Variants in NHS observed in about 807,000 individuals in gnomAD.
The protein encoded by NHS is NHS actin remodeling regulator, also known as actin remodeling regulator NHS.
In NHS, 5 loss-of-function variants were observed where a neutral mutation model predicts 72.5. The observed-to-expected ratio is 0.07, with a 90% CI of 0.04 to 0.14. The LOEUF is 0.14. NHS is among the 10% of genes least tolerant of loss of function. NHS has a pLI of 1.00. For synonymous variants in NHS, 464 were observed against 547.7 expected, an observed-to-expected ratio of 0.85 and a Z score of 2.13; for missense variants, 1,072 against 1,355.7, an observed-to-expected ratio of 0.79 and a Z score of 3.29.
At chrX:17,389,853 C>T (rs1252520360) in intron 1 of NHS, among the ~76,000 whole-genome samples, 3 of 110,356 alleles carry the variant, frequency 2.7e-5, no homozygotes, top group African/African-American at 3.3e-5. Context: ...CTGCCCGCCT[C>T]GGCCTCCCAA....
chrX:17,672,033 CATA>C (rs2066049734), intron 1 of NHS, among the ~76,000 whole-genome samples: 1 of 111,604 alleles, frequency 9.0e-6, no homozygotes, highest in African/African-American at 3.3e-5. Flanking sequence ...AAGAAAAGCA[CATA>C]ATCAAACAAT....
intron 1 of NHS, among the ~76,000 whole-genome samples, chrX:17,399,137 T>C (rs921375877): frequency 4.5e-5 from 5 of 110,400 alleles, no homozygotes; most frequent in African/African-American, 1.7e-4. Flanking sequence ...GGTCTTGCTC[T>C]GTTGCCCAGG....
At position 17,728,302 on chromosome X, in the gene NHS, G is replaced by A. The variant is rs2066464724; in HGVS notation, c.4196G>A (p.Gly1399Glu). The A allele has an allele frequency of 3.3e-6, 4 of 1,211,486 alleles. No individual in the cohort carries two copies. Among genetic ancestry groups the A allele is most frequent in the African/African-American group, 1.7e-5 (1 of 57,845 alleles). The change falls in exon 7 of 9, where the codon GGA (glycine) becomes GAA (glutamate). Residue 1399 changes from glycine to glutamate, a missense_variant. By Grantham distance (98) the Gly-to-Glu change is moderately conservative (BLOSUM62 -2). Transcript: ENST00000676302. ...AACAGCAAAGCAGAGGAGACCCAAG[G>A]AAATGTGGATGAGGCTTCATTGAAA... Reference protein sequence around the residue: ...SDNSKAEETQGNVDEASLKES... With the variant: ...SDNSKAEETQENVDEASLKES...
chrX:17,607,794 A>AT (rs1164990389), intron 1 of NHS, among the ~76,000 whole-genome samples: 1 of 110,756 alleles, frequency 9.0e-6, no homozygotes, highest in African/African-American at 3.3e-5. Flanking sequence ...AAATATAAAT[A>AT]TATGTGACTA....
intron 1 of NHS, among the ~76,000 whole-genome samples, chrX:17,401,080 G>A (rs888675305): frequency 8.9e-6 from 1 of 111,985 alleles, no homozygotes; most frequent in Non-Finnish European, 1.9e-5. Context: ...CCAGAAATAA[G>A]TTTTTACATT....
chrX:17,475,977 C>G (rs1209795760), intron 1 of NHS, among the ~76,000 whole-genome samples: 1 of 111,649 alleles, frequency 9.0e-6, no homozygotes, highest in African/African-American at 3.3e-5. Flanking sequence ...CAGCTTGTTG[C>G]AACATCACAA....
At chrX:17,610,610 T>C (rs769302489) in intron 1 of NHS, among the ~76,000 whole-genome samples, 1 of 112,029 alleles carries the variant, frequency 8.9e-6, no homozygotes, top group Non-Finnish European at 1.9e-5. Context: ...CTGAACCTTG[T>C]GGCCACATTG....
At chrX:17,700,211 G>A (rs1337808594) in intron 3 of NHS, among the ~76,000 whole-genome samples, 1 of 110,902 alleles carries the variant, frequency 9.0e-6, no homozygotes, top group African/African-American at 3.3e-5. Context: ...GGGAGGCTCA[G>A]GTGGGAGGAT....
intron 1 of NHS, among the ~76,000 whole-genome samples, chrX:17,584,298 C>A (rs1003317014): frequency 3.6e-5 from 4 of 111,507 alleles, no homozygotes; most frequent in African/African-American, 1.3e-4. Flanking sequence ...AGAGGCCACC[C>A]CTTCCCTGGG....
At chrX:17,519,456 T>C (rs2065136942) in intron 1 of NHS, among the ~76,000 whole-genome samples, 2 of 111,927 alleles carry the variant, frequency 1.8e-5, no homozygotes, top group Non-Finnish European at 3.8e-5. Flanking sequence ...CCCATTTTAG[T>C]TTCCAATATG....
chrX:17,384,036 C>T (rs771203480), intron 1 of NHS, among the ~76,000 whole-genome samples: 24 of 112,347 alleles, frequency 2.1e-4, no homozygotes, highest in Admixed American at 1.6e-3. Flanking sequence ...GGATAATTTT[C>T]AGCCAGAGCA....
chrX:17,470,199 A>T (rs2064886604), intron 1 of NHS, among the ~76,000 whole-genome samples: 2 of 110,374 alleles, frequency 1.8e-5, no homozygotes, highest in Admixed American at 1.9e-4. Flanking sequence ...GACATTCCTA[A>T]GGCCACCCAT....
intron 1 of NHS, among the ~76,000 whole-genome samples, chrX:17,612,595 G>A (rs2065716686): frequency 9.0e-6 from 1 of 111,628 alleles, no homozygotes; most frequent in African/African-American, 3.3e-5. Flanking sequence ...TCTTATAGCA[G>A]TCCTATAAGG....
At chrX:17,671,779 T>C (rs1280579882) in intron 1 of NHS, among the ~76,000 whole-genome samples, 1 of 112,115 alleles carries the variant, frequency 8.9e-6, no homozygotes. Flanking sequence ...AATAGTAGTC[T>C]AGAAATCATG....
chrX:17,609,078 C>A (rs1382022190), intron 1 of NHS, among the ~76,000 whole-genome samples: 3 of 111,751 alleles, frequency 2.7e-5, no homozygotes, highest in Non-Finnish European at 5.6e-5. Context: ...TTGAATATCA[C>A]CCCTGGATAT....
intron 1 of NHS, among the ~76,000 whole-genome samples, chrX:17,608,444 G>T (rs771905813): frequency 8.9e-6 from 1 of 111,998 alleles, no homozygotes; most frequent in African/African-American, 3.3e-5. Context: ...CTCAAAAATC[G>T]TTTTTGTTCA....
At chrX:17,472,301 T>C (rs772922062) in intron 1 of NHS, among the ~76,000 whole-genome samples, 1 of 108,608 alleles carries the variant, frequency 9.2e-6, no homozygotes, top group South Asian at 4.1e-4. Flanking sequence ...GATAGGTAGA[T>C]AGATACTGAA....
rs754601237 is a variant in NHS, at chrX:17,725,630, C to T, written c.1524C>T (p.Pro508=). The T allele has an allele frequency of 1.1e-5, 13 of 1,211,424 alleles. No homozygotes were observed. Among genetic ancestry groups the T allele is most frequent in the Non-Finnish European group, 1.1e-5 (10 of 895,480 alleles). The change falls in exon 7 of 9, where the codon CCC becomes CCT. Residue 508 remains proline (P), a synonymous_variant. Coordinates refer to ENST00000676302, the MANE Select transcript of NHS (RefSeq NM_001291867.2). ...VSSRTRSRSL[P]REGNRGGDAE... ...GCCGCACAAGATCTCGGAGCCTTCCCCGGGAAGGTAATAGAGGTGGGGATG... is the reference window on the plus strand; with the variant it reads ...GCCGCACAAGATCTCGGAGCCTTCCTCGGGAAGGTAATAGAGGTGGGGATG...
At chrX:17,689,784 G>A (rs1336283375) in intron 2 of NHS, among the ~76,000 whole-genome samples, 1 of 111,762 alleles carries the variant, frequency 8.9e-6, no homozygotes, top group Admixed American at 9.5e-5. Context: ...TCCTTTCTCA[G>A]GTCCCATCAT....
Sources: allele counts gnomAD v4.1 joint callset (sites outside exome capture counted in the v4.1 genomes callset), GRCh38; gene constraint gnomAD v4.1.1; transcripts MANE v1.5; gene names NCBI Gene and HGNC (gene_info 2026-07-23, HGNC 2026-07-21).